The following SUB1 variants were observed in gnomAD, a reference collection of about 807,000 sequenced individuals.
The protein encoded by SUB1 is activated RNA polymerase II transcriptional coactivator p15.
Under a neutral mutation model 16.9 loss-of-function variants are expected in SUB1, and 1 was observed. That is an observed-to-expected ratio of 0.06 (90% CI 0.02 to 0.28). The LOEUF (loss-of-function observed/expected upper bound fraction) is 0.28. Among genes scored for constraint, SUB1 ranks in the 10% least tolerant of loss-of-function variants. The pLI is 1.00. For missense variants in SUB1, 84 were observed against 145.2 expected, an observed-to-expected ratio of 0.58 and a Z score of 2.16; for synonymous variants, 51 against 46.9, an observed-to-expected ratio of 1.09 and a Z score of -0.36.
At chr5:32,596,939 CTCAA>C (rs1168906639) in intron 3 of SUB1, 2 of 152,096 alleles carry the variant, frequency 1.3e-5, no homozygotes, top group African/African-American at 4.8e-5. Context: ...TTTTTAAGTT[CTCAA>C]TCTGACTGTG....
intron 3 of SUB1, among the ~76,000 whole-genome samples, chr5:32,594,223 T>A (rs1738899978): frequency 6.6e-6 from 1 of 152,204 alleles, no homozygotes; most frequent in African/African-American, 2.4e-5. Context: ...TAGAGATGCT[T>A]ACTTCCTGGT....
rs70961652 is a variant in SUB1 at position 32,590,762 on chromosome 5, A to ATTTTTTTTTTTTTTTTTTT, written c.73-796_73-778dup. 6.5e-4 allele frequency among the ~76,000 whole-genome samples: 22 copies of ATTTTTTTTTTTTTTTTTTT among 33,978 alleles called. 9 individuals are homozygous for ATTTTTTTTTTTTTTTTTTT. Among genetic ancestry groups the ATTTTTTTTTTTTTTTTTTT allele is most frequent in the Non-Finnish European group, 9.6e-4 (18 of 18,662 alleles). 22.3% of individuals were successfully genotyped at this position (33,978 alleles called of 152,430 possible). A position where few individuals can be genotyped will look rare whatever the true frequency, so the allele number is the denominator to read the frequency against. On this transcript the variant is annotated intron_variant, in intron 2 of 4. Transcript: ENST00000265073. ...AGGCGTGTGCCACCACGCCTGGCTA[A>ATTTTTTTTTTTTTTTTTTT]TTTTTTTTTTTTTTTTTTTTTTTGA...
At chr5:32,586,775 A>G (rs1422222325) in intron 1 of SUB1, among the ~76,000 whole-genome samples, 1 of 152,240 alleles carries the variant, frequency 6.6e-6, no homozygotes. Context: ...TGCAAAATGG[A>G]GCAGAAACAG....
chr5:32,598,244 C>T (rs561177793), intron 3 of SUB1: 1 of 152,324 alleles, frequency 6.6e-6, no homozygotes, highest in East Asian at 1.9e-4. Flanking sequence ...GTCATGCCTT[C>T]TCTCTGCTTC....
At chr5:32,592,596 CT>C (rs1057053994) in intron 3 of SUB1, among the ~76,000 whole-genome samples, 5 of 151,950 alleles carry the variant, frequency 3.3e-5, no homozygotes, top group Admixed American at 2.6e-4. Context: ...GTGATAAGGG[CT>C]TAGATGGTTT....
chr5:32,602,416 T>G lies in SUB1; in HGVS notation c.*1332T>G. 1 of 246,412 alleles carries G rather than the reference T, an allele frequency of 4.1e-6. No individual in the cohort carries two copies. The highest frequency in any genetic ancestry group is 8.3e-6 in the Non-Finnish European group (1 of 120,854). 15.3% of individuals were successfully genotyped at this position (246,412 alleles called of 1,614,324 possible). A position where few individuals can be genotyped will look rare whatever the true frequency, so the allele number is the denominator to read the frequency against. On this transcript the variant is annotated 3_prime_UTR_variant, in exon 5 of 5. Coordinates refer to ENST00000265073, the MANE Select transcript of SUB1 (RefSeq NM_006713.4). ...TCTAGGTAGAGTAGAAAAAGGAAAG[T>G]TTTAAAGACATATAAAAGATTCTTG...
chr5:32,597,190 G>A (rs1255104746), intron 3 of SUB1: 1 of 151,934 alleles, frequency 6.6e-6, no homozygotes, highest in Non-Finnish European at 1.5e-5. Context: ...ACAGATTGCC[G>A]AAACTGTTTC....
rs1261031992 is a variant in SUB1, at chr5:32,602,224, G to A, written c.*1140G>A. On this transcript the variant is annotated 3_prime_UTR_variant, in exon 5 of 5. Transcript: ENST00000265073. ...ACAGATTGAGGCACAGATTTTAGTG[G>A]CTTTGTGGCAATAAATAGGGCATGG... 2 of 455,468 alleles carry A rather than the reference G, an allele frequency of 4.4e-6. No individual in the cohort carries two copies. Among genetic ancestry groups the A allele is most frequent in the Non-Finnish European group, 8.8e-6 (2 of 226,642 alleles). The allele number at this position is 455,468 out of a possible 1,614,324, so 28.2% of individuals were successfully genotyped here. A position where few individuals can be genotyped will look rare whatever the true frequency, so the allele number is the denominator to read the frequency against.
At chr5:32,591,437 G>T (rs1344600036) in intron 2 of SUB1, 126 bp from the exon 3 acceptor site, 23 of 1,284,916 alleles carry the variant, frequency 1.8e-5, no homozygotes, top group Non-Finnish European at 2.0e-5. Context: ...ACTTGCTTAT[G>T]TATATATTTA....
rs981532954 is a variant in SUB1 at position 32,596,510 on chromosome 5, T to C, written c.196-2451T>C. 8 of 152,334 alleles carry C rather than the reference T, an allele frequency of 5.3e-5. 1 individual carries two copies. The highest frequency in any genetic ancestry group is 4.6e-4 in the Admixed American group (7 of 15,300). The allele number at this position is 152,334 out of a possible 1,614,324, so 9.4% of individuals were successfully genotyped here. A position where few individuals can be genotyped will look rare whatever the true frequency, so the allele number is the denominator to read the frequency against. ...TGCCAGTGTTTTTTCCTAGAAGTTT[T>C]ATAGTTTTAGTTTTCACATTTAGGT... On this transcript the variant is annotated intron_variant, in intron 3 of 4. Coordinates refer to ENST00000265073, the MANE Select transcript of SUB1 (RefSeq NM_006713.4).
At chr5:32,587,729 G>A (rs1455377464) in intron 1 of SUB1, among the ~76,000 whole-genome samples, 1 of 151,906 alleles carries the variant, frequency 6.6e-6, no homozygotes, top group Admixed American at 6.6e-5. Context: ...TCCTGCCTCA[G>A]TCTCCCGAAT....
rs577676293 is a variant in SUB1 at position 32,603,275 on chromosome 5, A to G, written c.*2191A>G. On this transcript the variant is annotated 3_prime_UTR_variant, in exon 5 of 5. Transcript: ENST00000265073. ...AAGCAAATTAACTTGTTCTGAAAAG[A>G]AAGTATAGATTAATTTTGTTTTCTG... 2.6e-5 allele frequency: 4 copies of G among 152,334 alleles called. No homozygotes were observed. The highest frequency in any genetic ancestry group is 4.1e-4 in the South Asian group (2 of 4,834). 9.4% of individuals were successfully genotyped at this position (152,334 alleles called of 1,614,324 possible). A position where few individuals can be genotyped will look rare whatever the true frequency, so the allele number is the denominator to read the frequency against.
intron 1 of SUB1, among the ~76,000 whole-genome samples, chr5:32,587,166 A>G (rs1292398325): frequency 6.6e-6 from 1 of 152,212 alleles, no homozygotes; most frequent in Admixed American, 6.5e-5. Context: ...GCTCAAGATC[A>G]TCGCCAAGGT....
At chr5:32,597,233 A>T (rs190090766) in intron 3 of SUB1, 2 of 152,320 alleles carry the variant, frequency 1.3e-5, no homozygotes, top group East Asian at 3.9e-4. Context: ...TGGCCATTAA[A>T]CAACAGTTCC....
chr5:32,595,390 T>G (rs999898334), intron 3 of SUB1: 1 of 152,210 alleles, frequency 6.6e-6, no homozygotes, highest in Admixed American at 6.5e-5. Flanking sequence ...CACTATAGAT[T>G]TATGTTGTCT....
Position 32,601,469 on chromosome 5 carries a change from T to C in SUB1, c.*385T>C, listed in dbSNP as rs1739112356. Reference sequence around the variant, plus strand: ...TTGCATTGAGTTTATAAACTTTTGGTTTGTGAACTTCATATTTGATCTTTT... The same window carrying C: ...TTGCATTGAGTTTATAAACTTTTGGCTTGTGAACTTCATATTTGATCTTTT... On this transcript the variant is annotated 3_prime_UTR_variant, in exon 5 of 5. Coordinates refer to ENST00000265073, the MANE Select transcript of SUB1 (RefSeq NM_006713.4). 6.2e-6 allele frequency: 1 copy of C among 160,382 alleles called. No homozygotes were observed. The highest frequency in any genetic ancestry group is 1.8e-4 in the South Asian group (1 of 5,578). 9.9% of individuals were successfully genotyped at this position (160,382 alleles called of 1,614,324 possible).
chr5:32,599,154 A>C, intron 4 of SUB1, 85 bp downstream of exon 4: 1 of 925,622 alleles, frequency 1.1e-6, no homozygotes, highest in South Asian at 1.4e-5. Context: ...TGTTGGCAGG[A>C]CACACGGGGC....
At chr5:32,598,566 C>T (rs547574472) in intron 3 of SUB1, 1 of 160,110 alleles carries the variant, frequency 6.2e-6, no homozygotes, top group African/African-American at 2.4e-5. Context: ...AATTAATACT[C>T]CATCTTTGTT....
At chr5:32,587,956 T>C (rs1247500265) in intron 1 of SUB1, among the ~76,000 whole-genome samples, 1 of 152,206 alleles carries the variant, frequency 6.6e-6, no homozygotes, top group Non-Finnish European at 1.5e-5. Flanking sequence ...CCTGTCGTTA[T>C]TTTGGTGATA....
Sources: gnomAD v4.1 joint callset for allele counts (sites outside exome capture counted in the v4.1 genomes callset) on GRCh38, gnomAD v4.1.1 for gene constraint, MANE v1.5 for transcripts, NCBI Gene and HGNC (gene_info 2026-07-23, HGNC 2026-07-21) for gene names.